CRISPLD2: variants seen among roughly 807,000 people sequenced by gnomAD.
The protein encoded by CRISPLD2 is cysteine rich secretory protein LCCL domain containing 2, also known as cysteine-rich secretory protein LCCL domain-containing 2.
Under a neutral mutation model 71.1 loss-of-function variants are expected in CRISPLD2, and 47 were observed. The observed-to-expected ratio is 0.66, with a 90% CI of 0.52 to 0.84. The LOEUF (loss-of-function observed/expected upper bound fraction) is 0.84, where lower values mean the gene tolerates loss of function less well. Among genes scored for constraint, CRISPLD2 ranks in the 40% least tolerant of loss-of-function variants. The pLI is 0.00. For synonymous variants in CRISPLD2, 317 were observed against 250.1 expected (o/e 1.27, Z -2.52); for missense variants, 830 against 651.1 (o/e 1.27, Z -2.99).
chr16:84,888,475 C>G (rs2071632205), intron 13 of CRISPLD2, among the ~76,000 whole-genome samples: 1 of 152,196 alleles, frequency 6.6e-6, no homozygotes. Flanking sequence ...GGTTTTATCA[C>G]CCAGAAACTG....
At chr16:84,846,831 C>T (rs1916927737) in intron 3 of CRISPLD2, among the ~76,000 whole-genome samples, 1 of 152,218 alleles carries the variant, frequency 6.6e-6, no homozygotes, top group Non-Finnish European at 1.5e-5. Flanking sequence ...GTCCCCTCTC[C>T]CATAGGAGGC....
Position 84,880,536 on chromosome 16 carries a change from C to G in CRISPLD2, c.1257C>G (p.Asp419Glu), listed in dbSNP as rs371030002. 5.6e-6 allele frequency: 9 copies of G among 1,613,744 alleles called. No homozygotes were observed. In the South Asian group the frequency reaches 7.7e-5, roughly 14 times the overall value. ...PRIHCPAHCK[D>E]EPSYWAPVFG... is the part of the protein sequence containing the mutation. ...TCCATTGTCCGGCACACTGCAAAGACGAACCTTCCTACTGGGCTCCGGTGT... is the reference window on the plus strand; with the variant it reads ...TCCATTGTCCGGCACACTGCAAAGAGGAACCTTCCTACTGGGCTCCGGTGT... The change falls in exon 13 of 15, where the codon GAC becomes GAG. Residue 419 changes from aspartate (D) to glutamate (E), a missense_variant. By Grantham distance (45) the Asp-to-Glu change is conservative (BLOSUM62 2). Transcript: ENST00000262424.
chr16:84,851,296 A>G (rs1180344304), intron 5 of CRISPLD2, among the ~76,000 whole-genome samples: 1 of 152,212 alleles, frequency 6.6e-6, no homozygotes, highest in Non-Finnish European at 1.5e-5. Context: ...CGCCTATAGC[A>G]TGCTCAGCTC....
At chr16:84,870,481 G>A (rs1487547843) in intron 8 of CRISPLD2, among the ~76,000 whole-genome samples, 12 of 151,950 alleles carry the variant, frequency 7.9e-5, no homozygotes, top group Non-Finnish European at 2.9e-5. Context: ...CACCATGCCC[G>A]GCTCATATTT....
chr16:84,853,473 C>G (rs1464517486), intron 5 of CRISPLD2, among the ~76,000 whole-genome samples: 2 of 152,144 alleles, frequency 1.3e-5, no homozygotes. Context: ...ATAACAGTGC[C>G]CAGTCAGACA....
intron 6 of CRISPLD2, among the ~76,000 whole-genome samples, chr16:84,866,232 T>TCTTTTG (rs1917531403): frequency 1.2e-5 from 1 of 86,638 alleles, no homozygotes; most frequent in Non-Finnish European, 2.5e-5. Context: ...GGCAGTTTTG[T>TCTTTTG]TTTTTGGTTT....
At chr16:84,890,857 C>A (rs1407978019) in intron 14 of CRISPLD2, among the ~76,000 whole-genome samples, 2 of 152,180 alleles carry the variant, frequency 1.3e-5, no homozygotes, top group Non-Finnish European at 2.9e-5. Flanking sequence ...TGGGGCCTTT[C>A]CTGAGTGTCA....
rs112709064 is a variant in CRISPLD2, at chr16:84,854,146, C to G, written c.609-583C>G. Among the ~76,000 whole-genome samples the G allele has an allele frequency of 6.1e-3, 927 of 152,352 alleles. 5 individuals carry two copies. The highest frequency in any genetic ancestry group is 0.021 in the African/African-American group (862 of 41,582). ...CTGTGTTCAAATCCCAGCCCCGCCA[C>G]TTGCTTGTCCTGTGACCTGGGGCAA... On this transcript the variant is annotated intron_variant, in intron 5 of 14. Transcript: ENST00000262424.
chr16:84,833,170 T>A (rs1332842250), intron 1 of CRISPLD2, among the ~76,000 whole-genome samples: 1 of 152,184 alleles, frequency 6.6e-6, no homozygotes, highest in African/African-American at 2.4e-5. Flanking sequence ...TCCAAATGCA[T>A]CTCAAAGCTC....
chr16:84,886,285 T>C (rs2071612502), intron 13 of CRISPLD2, among the ~76,000 whole-genome samples: 1 of 152,152 alleles, frequency 6.6e-6, no homozygotes, highest in Admixed American at 6.5e-5. Context: ...CAGCTCAGGG[T>C]GCATTTTCCA....
intron 13 of CRISPLD2, among the ~76,000 whole-genome samples, chr16:84,887,250 C>T (rs150306428): frequency 1.3e-5 from 2 of 152,310 alleles, no homozygotes; most frequent in African/African-American, 2.4e-5. Context: ...AGCTTTTAAG[C>T]TCAGACCTGC....
intron 2 of CRISPLD2, among the ~76,000 whole-genome samples, chr16:84,843,391 T>C (rs1916828634): frequency 6.6e-6 from 1 of 152,232 alleles, no homozygotes. Flanking sequence ...CCACAGTCCT[T>C]TGAAACAGCC....
chr16:84,827,444 C>T (rs1027836910), intron 1 of CRISPLD2, among the ~76,000 whole-genome samples: 5 of 152,192 alleles, frequency 3.3e-5, no homozygotes, highest in Non-Finnish European at 7.3e-5. Context: ...CCTCCTGACC[C>T]CATTCCTCCC....
intron 6 of CRISPLD2, among the ~76,000 whole-genome samples, chr16:84,863,405 G>A (rs898238927): frequency 6.6e-6 from 1 of 152,224 alleles, no homozygotes; most frequent in African/African-American, 2.4e-5. Context: ...TATTTACCAA[G>A]AGCATATCCA....
chr16:84,897,492 A>T (rs2143373830), intron 14 of CRISPLD2, among the ~76,000 whole-genome samples: 1 of 152,252 alleles, frequency 6.6e-6, no homozygotes, highest in Non-Finnish European at 1.5e-5. Flanking sequence ...TAGTGAAAAT[A>T]ATTTTAAGAT....
intron 10 of CRISPLD2, 125 bp downstream of exon 10, chr16:84,873,247 G>A (rs534157591): frequency 8.5e-4 from 952 of 1,113,934 alleles, no homozygotes; most frequent in Non-Finnish European, 1.1e-3. Flanking sequence ...GGAGGCAGAG[G>A]CAGGTGGATC....
At chr16:84,902,093 C>T (rs1006539193) in intron 14 of CRISPLD2, among the ~76,000 whole-genome samples, 4 of 152,098 alleles carry the variant, frequency 2.6e-5, no homozygotes, top group African/African-American at 4.8e-5. Flanking sequence ...GCCACCGCGC[C>T]TGGCCCTGGT....
At position 84,906,617 on chromosome 16, in the gene CRISPLD2, T is replaced by A; in HGVS notation, c.1469T>A (p.Phe490Tyr). The A allele has an allele frequency of 6.2e-7, 1 of 1,613,770 alleles. No homozygotes were observed. Reference protein sequence around the residue: ...SLGTPRDGKAFRIFAVRQ With the variant: ...SLGTPRDGKAYRIFAVRQ ...GGGACTCCTCGGGATGGAAAGGCCTTCCGGATCTTTGCTGTCAGGCAGTGA... is the reference window on the plus strand; with the variant it reads ...GGGACTCCTCGGGATGGAAAGGCCTACCGGATCTTTGCTGTCAGGCAGTGA... Residue 490 changes from phenylalanine to tyrosine, a missense_variant, in exon 15 of 15, where the codon TTC becomes TAC. Transcript: ENST00000262424.
chr16:84,835,300 G>A (rs1247507141), intron 1 of CRISPLD2, among the ~76,000 whole-genome samples: 1 of 152,118 alleles, frequency 6.6e-6, no homozygotes, highest in East Asian at 1.9e-4. Context: ...GTGTTGGCCA[G>A]GCTGGTGTCG....
Sources: gnomAD v4.1 joint callset for allele counts (sites outside exome capture counted in the v4.1 genomes callset) on GRCh38, gnomAD v4.1.1 for gene constraint, MANE v1.5 for transcripts, NCBI Gene and HGNC (gene_info 2026-07-23, HGNC 2026-07-21) for gene names.